DENND1C: variants seen among roughly 807,000 people sequenced by gnomAD.
DENND1C encodes DENN domain containing 1C.
A neutral mutation model predicts 87.9 loss-of-function variants in DENND1C; 64 were observed. That is an observed-to-expected ratio of 0.73 (90% CI 0.60 to 0.90). DENND1C has a LOEUF of 0.90. Among genes scored for constraint, DENND1C ranks in the 40% least tolerant of loss-of-function variants. DENND1C has a pLI of 0.00. For synonymous variants in DENND1C, 384 were observed against 424.4 expected (o/e 0.90, Z 1.17); for missense variants, 980 against 1,037.0 (o/e 0.95, Z 0.76).
At chr19:6,471,232 A>G in intron 17 of DENND1C, 33 bp downstream of exon 17, 1 of 1,564,546 alleles carries the variant, frequency 6.4e-7, no homozygotes, top group Non-Finnish European at 8.7e-7. Context: ...GGCCTAAGCC[A>G]ACGCCCACGG....
intron 3 of DENND1C, 64 bp from the exon 4 acceptor site, chr19:6,479,782 C>T: frequency 1.2e-6 from 2 of 1,613,880 alleles, no homozygotes; most frequent in African/African-American, 2.7e-5. Flanking sequence ...CCCTGGGCTC[C>T]AGGTCCAAGA....
chr19:6,469,793 G>T, intron 18 of DENND1C, 153 bp from the exon 19 acceptor site: 1 of 726,544 alleles, frequency 1.4e-6, no homozygotes, highest in Non-Finnish European at 2.3e-6. Flanking sequence ...AGAAGTCAAT[G>T]CAAACTTTCA....
Position 6,472,946 on chromosome 19 carries a change from AGGCTTCTG to A in DENND1C, c.1093_1100del (p.Gln365TrpfsTer102). ...GGTGGAAGGCCTGCAGAGGTGCCCC[AGGCTTCTG>A]GGCCAAGAAGACTTCCTCACTGAAG... On this transcript the variant is annotated frameshift_variant, in exon 15 of 23. Transcript: ENST00000381480. LOFTEE classifies it high-confidence loss of function. The A allele has an allele frequency of 1.3e-6, 2 of 1,591,618 alleles. No individual in the cohort carries two copies. The highest frequency in any genetic ancestry group is 1.7e-6 in the Non-Finnish European group (2 of 1,169,940).
rs1251500275 is a variant in DENND1C at position 6,476,843 on chromosome 19, G to T, written c.678+14C>A. ...GGCCCTGCTCCCACCCCGGCCCGGC[G>T]GACCCCGCCTCACGGTGCTGAGTTT... On this transcript the variant is annotated intron_variant, in intron 10 of 22. Coordinates refer to ENST00000381480, the MANE Select transcript of DENND1C (RefSeq NM_024898.4). 6.2e-7 allele frequency: 1 copy of T among 1,606,636 alleles called. No homozygotes were observed. The highest frequency in any genetic ancestry group is 8.5e-7 in the Non-Finnish European group (1 of 1,177,682).
In DENND1C at chr19:6,477,296, C is replaced by T. The variant is rs1157239713; in HGVS notation, c.448-13G>A. On this transcript the variant is annotated splice_polypyrimidine_tract_variant and intron_variant, in intron 7 of 22. Transcript: ENST00000381480. ...TCACTCCGCTGCCCTGGGGAAGAGG[C>T]ACGACTCTGTGGTCATGATGGCTGG... 2.5e-6 allele frequency: 4 copies of T among 1,596,640 alleles called. No individual in the cohort carries two copies. Among genetic ancestry groups the T allele is most frequent in the Admixed American group, 1.7e-5 (1 of 58,698 alleles).
At position 6,470,322 on chromosome 19, in the gene DENND1C, T is replaced by C. The variant is rs1349448725; in HGVS notation, c.1335A>G (p.Gln445=). ...AGCGGTACATGTTCTTGACGGCTGG[T>C]TGGGTCTTGGCCTTGACTGAGTGCA... is the stretch of plus-strand genomic sequence containing the variant. ...ALLHSVKAKT[Q]PAVKNMYRSA... Residue 445 remains glutamine (Q), a synonymous_variant, in exon 18 of 23, where the codon CAA becomes CAG. Coordinates refer to ENST00000381480, the MANE Select transcript of DENND1C (RefSeq NM_024898.4). 2.5e-6 allele frequency: 4 copies of C among 1,611,314 alleles called. No homozygotes were observed. The African/African-American group carries it at 5.3e-5, about 22-fold the overall frequency.
At chr19:6,471,237 C>T (rs1051533038) in intron 17 of DENND1C, 28 bp downstream of exon 17, 57 of 1,568,636 alleles carry the variant, frequency 3.6e-5, no homozygotes, top group Non-Finnish European at 4.7e-5. Context: ...AAGCCAACGC[C>T]CACGGCCTAT....
At chr19:6,475,815 C>A in intron 11 of DENND1C, 22 bp downstream of exon 11, 2 of 1,522,058 alleles carry the variant, frequency 1.3e-6, no homozygotes, top group Admixed American at 2.2e-5. Flanking sequence ...AGGCCCTGCC[C>A]CTCCCAGCTG....
intron 15 of DENND1C, among the ~76,000 whole-genome samples, chr19:6,472,563 G>A (rs10421606): frequency 0.07 from 10,649 of 152,154 alleles, 435 homozygotes; most frequent in East Asian, 0.11. Flanking sequence ...GCTAATTTTC[G>A]TATTTTTAGT....
intron 14 of DENND1C, among the ~76,000 whole-genome samples, chr19:6,473,816 G>GGGGA (rs1231177042): frequency 1.5e-5 from 2 of 131,586 alleles, no homozygotes; most frequent in Non-Finnish European, 3.2e-5. Context: ...GGGGGGTGGG[G>GGGGA]GGAGGGAAAT....
rs563140687 is a variant in DENND1C, at chr19:6,468,595, G to A, written c.1566C>T (p.Ser522=). ...TGCCTTACCCCGCCCCTGGGGGCTCGGAAGTTCCCTCTTCCAGCTGGCGTC... is the reference window on the plus strand; with the variant it reads ...TGCCTTACCCCGCCCCTGGGGGCTCAGAAGTTCCCTCTTCCAGCTGGCGTC... ...SRRRQLEEGT[S]EPPGAGTPPL... is the part of the protein sequence containing the mutation. The change falls in exon 21 of 23, where the codon TCC becomes TCT. Residue 522 remains serine (S), a synonymous_variant. Transcript: ENST00000381480. The A allele has an allele frequency of 1.4e-5, 21 of 1,526,766 alleles. No individual in the cohort carries two copies. The highest frequency in any genetic ancestry group is 1.2e-4 in the East Asian group (5 of 42,212). The allele number at this position is 1,526,766 out of a possible 1,614,324, so 94.6% of individuals were successfully genotyped here.
chr19:6,471,752 C>T (rs2092830832), intron 15 of DENND1C, among the ~76,000 whole-genome samples: 1 of 152,166 alleles, frequency 6.6e-6, no homozygotes, highest in Non-Finnish European at 1.5e-5. Context: ...AAGTGATTCT[C>T]CTGCCTCAGC....
In DENND1C at chr19:6,472,483, C is replaced by T. The variant is rs575299620; in HGVS notation, c.1158+406G>A. 5.3e-5 allele frequency among the ~76,000 whole-genome samples: 8 copies of T among 152,180 alleles called. No individual in the cohort carries two copies. The East Asian group carries it at 1.4e-3, about 26-fold the overall frequency. On this transcript the variant is annotated intron_variant, in intron 15 of 22. Transcript: ENST00000381480. ...TCAGCTCACTGCAACGTCTGCCTCC[C>T]GGGTTCAAACGATTCTCCTGCCTCA...
intron 19 of DENND1C, 108 bp downstream of exon 19, chr19:6,469,488 T>C (rs1243567211): frequency 2.8e-6 from 3 of 1,087,568 alleles, no homozygotes; most frequent in African/African-American, 3.1e-5. Flanking sequence ...CCCACTATAT[T>C]GCCCAAGCTG....
chr19:6,471,228 A>G, intron 17 of DENND1C, 37 bp downstream of exon 17: 1 of 1,561,738 alleles, frequency 6.4e-7, no homozygotes, highest in Non-Finnish European at 8.7e-7. Context: ...TACAGGCCTA[A>G]GCCAACGCCC....
At chr19:6,468,668 G>T in intron 20 of DENND1C, 23 bp from the exon 21 acceptor site, 1 of 1,458,230 alleles carries the variant, frequency 6.9e-7, no homozygotes, top group South Asian at 1.5e-5. Flanking sequence ...GGGGCGATAG[G>T]ACCTCAGGAG....
At position 6,475,263 on chromosome 19, in the gene DENND1C, C is replaced by G; in HGVS notation, c.1053+11G>C. The G allele has an allele frequency of 1.2e-6, 2 of 1,612,846 alleles. No homozygotes were observed. Among genetic ancestry groups the G allele is most frequent in the Non-Finnish European group, 1.7e-6 (2 of 1,179,862 alleles). On this transcript the variant is annotated intron_variant, in intron 14 of 22. Coordinates refer to ENST00000381480, the MANE Select transcript of DENND1C (RefSeq NM_024898.4). ...CCACGAGACCTCTCCCGCAGCGTCC[C>G]CGCTGCTCACCGGGCTGCAGACGAG...
chr19:6,476,559 A>C, intron 10 of DENND1C: 1 of 324,020 alleles, frequency 3.1e-6, no homozygotes. Flanking sequence ...TCCCACGTGT[A>C]TAAGTCCCTA....
chr19:6,475,985 G>A (rs1363724458), intron 10 of DENND1C, 48 bp from the exon 11 acceptor site: 10 of 1,472,388 alleles, frequency 6.8e-6, no homozygotes, highest in Non-Finnish European at 9.0e-6. Context: ...ACCCTCTAGC[G>A]CGAGGTCTCT....
Sources: allele counts gnomAD v4.1 joint callset (sites outside exome capture counted in the v4.1 genomes callset), GRCh38; gene constraint gnomAD v4.1.1; transcripts MANE v1.5; gene names NCBI Gene and HGNC (gene_info 2026-07-23, HGNC 2026-07-21).